DPH6: variants seen among roughly 807,000 people sequenced by gnomAD.
The protein encoded by DPH6 is diphthamine biosynthesis 6.
In DPH6, 33 loss-of-function variants were observed where a neutral mutation model predicts 38.2. The observed-to-expected ratio is 0.86, with a 90% CI of 0.65 to 1.15. DPH6 has a LOEUF of 1.15. Among genes scored for constraint, DPH6 ranks in the 50% most tolerant of loss-of-function variants. The pLI is 0.00. For synonymous variants in DPH6, 108 were observed against 103.0 expected (o/e 1.05, Z -0.30); for missense variants, 325 against 320.0 (o/e 1.02, Z -0.12).
At chr15:35,279,265 G>A (rs528979549) in intron 3 of DPH6, among the ~76,000 whole-genome samples, 39 of 151,942 alleles carry the variant, frequency 2.6e-4, no homozygotes, top group African/African-American at 8.9e-4. Flanking sequence ...TCATAGGAAA[G>A]AACTAATCTC....
chr15:35,508,823 C>A (rs1305399146), intron 3 of DPH6, among the ~76,000 whole-genome samples: 1 of 152,068 alleles, frequency 6.6e-6, no homozygotes, highest in Non-Finnish European at 1.5e-5. Context: ...GTAGATTATT[C>A]TTTTAGTAGT....
At chr15:35,540,575 TACA>T (rs1483545148) in intron 2 of DPH6, among the ~76,000 whole-genome samples, 2 of 152,274 alleles carry the variant, frequency 1.3e-5, no homozygotes, top group African/African-American at 2.4e-5. Context: ...TGTTTTCTTC[TACA>T]ACAATTACTA....
chr15:35,193,174 T>C, the DPH6 span, among the ~76,000 whole-genome samples: 3 of 152,136 alleles, frequency 2.0e-5, no homozygotes, highest in Non-Finnish European at 2.9e-5. Flanking sequence ...AATATCTGAA[T>C]ACTGAAATGT....
chr15:35,172,461 T>C, the DPH6 span, among the ~76,000 whole-genome samples: 1 of 152,212 alleles, frequency 6.6e-6, no homozygotes, highest in Admixed American at 6.5e-5. Flanking sequence ...AATCTGTATG[T>C]TCAATTCAAT....
At chr15:35,199,900 T>C in the DPH6 span, among the ~76,000 whole-genome samples, 1 of 151,986 alleles carries the variant, frequency 6.6e-6, no homozygotes, top group African/African-American at 2.4e-5. Flanking sequence ...CATCCAAAAT[T>C]GTGATGTCAT....
At chr15:35,185,085 A>G in the DPH6 span, among the ~76,000 whole-genome samples, 15 of 109,002 alleles carry the variant, frequency 1.4e-4, no homozygotes, top group East Asian at 9.9e-4. Flanking sequence ...CCAATGTGGG[A>G]AAAAAAAAAC....
chr15:35,336,462 C>T (rs765125309), intron 3 of DPH6, among the ~76,000 whole-genome samples: 3 of 152,074 alleles, frequency 2.0e-5, no homozygotes, highest in Non-Finnish European at 4.4e-5. Flanking sequence ...TTGATCAAAT[C>T]GGCTACTGAA....
intron 3 of DPH6, among the ~76,000 whole-genome samples, chr15:35,286,638 A>C (rs1041165103): frequency 9.9e-5 from 15 of 152,224 alleles, no homozygotes; most frequent in Non-Finnish European, 1.3e-4. Flanking sequence ...AGACAATAAA[A>C]ATATTGATCT....
intron 3 of DPH6, among the ~76,000 whole-genome samples, chr15:35,336,430 T>A (rs2052373517): frequency 6.6e-6 from 1 of 152,172 alleles, no homozygotes; most frequent in South Asian, 2.1e-4. Context: ...TGATCTTCCG[T>A]CACTGATACC....
intron 3 of DPH6, among the ~76,000 whole-genome samples, chr15:35,505,790 G>A (rs1266974799): frequency 6.6e-6 from 1 of 152,016 alleles, no homozygotes; most frequent in African/African-American, 2.4e-5. Flanking sequence ...AACTTTTACT[G>A]TTTTTCTAGC....
intron 3 of DPH6, among the ~76,000 whole-genome samples, chr15:35,496,553 C>T (rs1346203767): frequency 9.4e-5 from 1 of 10,644 alleles, no homozygotes; most frequent in African/African-American, 6.3e-4. Context: ...AAAGTTCCAT[C>T]TCAAAAAAAA....
intron 3 of DPH6, among the ~76,000 whole-genome samples, chr15:35,526,207 G>A (rs1394216988): frequency 1.3e-5 from 2 of 152,124 alleles, no homozygotes; most frequent in Admixed American, 6.5e-5. Flanking sequence ...TTACTACCTA[G>A]GAAAGAATCC....
chr15:35,488,372 CA>C, intron 3 of DPH6, among the ~76,000 whole-genome samples: 1 of 152,278 alleles, frequency 6.6e-6, no homozygotes, highest in Middle Eastern at 3.4e-3. Flanking sequence ...CTACATAAGA[CA>C]TGGTAATTTA....
At chr15:35,504,084 A>C (rs1299025743) in intron 3 of DPH6, among the ~76,000 whole-genome samples, 2 of 151,868 alleles carry the variant, frequency 1.3e-5, no homozygotes, top group African/African-American at 2.4e-5. Context: ...CCTAGCCCCT[A>C]TCTCTCCTCT....
At chr15:35,488,146 T>C (rs571603464) in intron 3 of DPH6, among the ~76,000 whole-genome samples, 47 of 152,284 alleles carry the variant, frequency 3.1e-4, no homozygotes, top group African/African-American at 1.1e-3. Context: ...TTTTTGATCA[T>C]ATAAGCATTT....
the DPH6 span, among the ~76,000 whole-genome samples, chr15:35,188,849 C>T: frequency 6.6e-6 from 1 of 151,824 alleles, no homozygotes; most frequent in Non-Finnish European, 1.5e-5. Flanking sequence ...GGCCACTACA[C>T]TCCAGCCTGG....
rs2054560581 is a variant in DPH6, at chr15:35,496,570, ATAT to A, written c.312+41701_312+41703del. Among the ~76,000 whole-genome samples the A allele has an allele frequency of 5.5e-5, 6 of 108,304 alleles. 1 individual carries two copies. The highest frequency in any genetic ancestry group is 9.1e-5 in the Non-Finnish European group (5 of 54,870). 71.1% of individuals were successfully genotyped at this position (108,304 alleles called of 152,430 possible). A position where few individuals can be genotyped will look rare whatever the true frequency, so the allele number is the denominator to read the frequency against. ...AGTTCCATCTCAAAAAAAAAAAAATATATATATATATATATATATATCCTCTAC... is the reference window on the plus strand; with the variant it reads ...AGTTCCATCTCAAAAAAAAAAAAATAATATATATATATATATATCCTCTAC... On this transcript the variant is annotated intron_variant, in intron 3 of 8. Coordinates refer to ENST00000256538, the MANE Select transcript of DPH6 (RefSeq NM_080650.4).
chr15:35,338,315 G>C (rs2052390691), intron 3 of DPH6, among the ~76,000 whole-genome samples: 1 of 151,788 alleles, frequency 6.6e-6, no homozygotes, highest in Non-Finnish European at 1.5e-5. Context: ...AATCTACAAT[G>C]AACTCAAACA....
At chr15:35,355,557 C>T (rs983005064) in intron 3 of DPH6, among the ~76,000 whole-genome samples, 18 of 152,270 alleles carry the variant, frequency 1.2e-4, no homozygotes, top group African/African-American at 4.3e-4. Flanking sequence ...TTTAGTTTAG[C>T]TGGATATGAA....
Sources: allele counts gnomAD v4.1 joint callset (sites outside exome capture counted in the v4.1 genomes callset), GRCh38; gene constraint gnomAD v4.1.1; transcripts MANE v1.5; gene names NCBI Gene and HGNC (gene_info 2026-07-23, HGNC 2026-07-21).